The following PDE4DIP variants were observed in gnomAD, a reference collection of about 807,000 sequenced individuals.
PDE4DIP encodes the protein phosphodiesterase 4D interacting protein.
Under a neutral mutation model 221.4 loss-of-function variants are expected in PDE4DIP, and 59 were observed. The ratio of observed to expected loss-of-function variants is 0.27; its 90% CI spans 0.22 to 0.33. PDE4DIP has a LOEUF of 0.33. Among genes scored for constraint, PDE4DIP ranks in the 10% least tolerant of loss-of-function variants. PDE4DIP has a pLI of 1.00. For missense variants in PDE4DIP, 1,036 were observed against 2,154.2 expected (o/e 0.48, Z 10.28); for synonymous variants, 404 against 815.9 (o/e 0.50, Z 8.60).
At chr1:148,938,026 C>G (rs1220783151) in intron 5 of PDE4DIP, 162 bp downstream of exon 8, 3 of 509,040 alleles carry the variant, frequency 5.9e-6, no homozygotes, top group African/African-American at 5.8e-5. Flanking sequence ...TTCTGTGAGT[C>G]AAGAGTCCAG....
Position 148,998,063 on chromosome 1 carries a change from T to G in PDE4DIP, c.2905-80T>G, listed in dbSNP as rs1620507. 3 of 819,628 alleles carry G rather than the reference T, an allele frequency of 3.7e-6. No homozygotes were observed. Among genetic ancestry groups the G allele is most frequent in the Non-Finnish European group, 5.9e-6 (3 of 507,122 alleles). 50.8% of individuals were successfully genotyped at this position (819,628 alleles called of 1,614,324 possible). A position where few individuals can be genotyped will look rare whatever the true frequency, so the allele number is the denominator to read the frequency against. ...TTTTTTGTTTGTTTTTGTTCTCATT[T>G]AAAACTGCCTTTGCAATCTCATGTT... On this transcript the variant is annotated intron_variant, in intron 22 of 43. Coordinates refer to ENST00000369354, the Ensembl canonical transcript of PDE4DIP.
chr1:148,899,124 G>A (rs60538791), intron 1 of PDE4DIP, among the ~76,000 whole-genome samples: 1 of 121,320 alleles, frequency 8.2e-6, no homozygotes, highest in Non-Finnish European at 1.6e-5. Flanking sequence ...GAGCCAATGC[G>A]CCTGGTGGGA....
intron 1 of PDE4DIP, among the ~76,000 whole-genome samples, chr1:148,855,596 AG>A (rs1680815134): frequency 7.9e-6 from 1 of 126,546 alleles, no homozygotes; most frequent in South Asian, 2.8e-4. Flanking sequence ...GTCAGCATGC[AG>A]AAGGAGGCTC....
chr1:149,022,185 T>C (rs2073203703), intron 37 of PDE4DIP, among the ~76,000 whole-genome samples: 2 of 141,932 alleles, frequency 1.4e-5, no homozygotes, highest in Non-Finnish European at 3.0e-5. Flanking sequence ...ACTACAGTAG[T>C]GTAAGTGTGA....
chr1:148,885,070 G>A (rs61231866), upstream of PDE4DIP, among the ~76,000 whole-genome samples: 14 of 145,868 alleles, frequency 9.6e-5, no homozygotes, highest in African/African-American at 2.3e-4. Flanking sequence ...ATCAGGCACC[G>A]TTCTGGGCAC....
chr1:148,978,077 C>A lies in PDE4DIP; in HGVS notation c.2436+24C>A, dbSNP rs782314238. ...AGGTCTTTCAAAACTTTTTAAAGAC[C>A]ACTGGAAATGTTCACAGCTCAGAAT... On this transcript the variant is annotated intron_variant, in intron 18 of 43. Coordinates refer to ENST00000369354, the Ensembl canonical transcript of PDE4DIP. 10 of 1,598,974 alleles carry A rather than the reference C, an allele frequency of 6.3e-6. No individual in the cohort carries two copies. The South Asian group carries it at 1.1e-4, about 18-fold the overall frequency.
intron 20 of PDE4DIP, among the ~76,000 whole-genome samples, chr1:148,980,130 C>A (rs2060841712): frequency 6.6e-6 from 1 of 152,356 alleles, no homozygotes; most frequent in South Asian, 2.1e-4. Context: ...CAATGCCTTG[C>A]ATGTAGTAAG....
chr1:148,985,344 TG>T (rs797023667), intron 21 of PDE4DIP: 1 of 151,990 alleles, frequency 6.6e-6, no homozygotes, highest in Admixed American at 6.5e-5. Context: ...TCAGTTATAA[TG>T]TTTTTTATAT....
At chr1:148,929,553 C>T (rs1483561126) in intron 2 of PDE4DIP, 2 of 366,324 alleles carry the variant, frequency 5.5e-6, no homozygotes, top group South Asian at 2.9e-5. Context: ...TGAATGTTTC[C>T]ACTTTTAGTA....
Position 149,009,996 on chromosome 1 carries a change from G to A in PDE4DIP, c.4927+205G>A, listed in dbSNP as rs587732349. On this transcript the variant is annotated intron_variant, in intron 30 of 43. Transcript: ENST00000369354. The stretch of plus-strand genomic sequence containing the variant: ...CTGTCACCGTGGCCTCCATGGGCAC[G>A]TACAAGCTGTTGGGCACAAAGTGAG... 1.1e-4 allele frequency among the ~76,000 whole-genome samples: 17 copies of A among 152,330 alleles called. No homozygotes were observed. The East Asian group carries it at 2.3e-3, about 21-fold the overall frequency.
At chr1:148,931,697 C>A (rs1196927505) in intron 2 of PDE4DIP, 103 bp from the exon 6 acceptor site, 1 of 976,120 alleles carries the variant, frequency 1.0e-6, no homozygotes, top group Non-Finnish European at 1.6e-6. Flanking sequence ...CCAGTTCAGT[C>A]ACTGCAGAAA....
rs373577574 is a variant in PDE4DIP at position 148,961,962 on chromosome 1, A to G, written c.888+6A>G. ...TGAAAAGCAGGGAACGTGAGGTAAC[A>G]TATTTACCAATCAAGGACCTGTGTG... is the stretch of plus-strand genomic sequence containing the variant. On this transcript the variant is annotated splice_donor_region_variant and intron_variant, in intron 7 of 43. Transcript: ENST00000369354. The G allele has an allele frequency of 3.9e-5, 38 of 985,534 alleles. No homozygotes were observed. Among genetic ancestry groups the G allele is most frequent in the African/African-American group, 1.1e-4 (7 of 62,450 alleles). The allele number at this position is 985,534 out of a possible 1,614,324, so 61.0% of individuals were successfully genotyped here. A position where few individuals can be genotyped will look rare whatever the true frequency, so the allele number is the denominator to read the frequency against.
chr1:148,969,090 G>A (rs1257051557), intron 14 of PDE4DIP, 60 bp downstream of exon 17: 10 of 1,244,546 alleles, frequency 8.0e-6, no homozygotes, highest in Non-Finnish European at 1.1e-5. Context: ...TCTGCAAATA[G>A]GAAGCATTTG....
chr1:148,981,278 G>A, exon 21 of PDE4DIP: 1 of 1,613,354 alleles, frequency 6.2e-7, no homozygotes, highest in Non-Finnish European at 8.5e-7. Flanking sequence ...AGCTCTGAGA[G>A]AGACCGAACT....
rs2067254885 is a variant in PDE4DIP, at chr1:149,007,070, T to C, written c.4416-131T>C. On this transcript the variant is annotated intron_variant, in intron 27 of 43. Coordinates refer to ENST00000369354, the Ensembl canonical transcript of PDE4DIP. ...ACTCTTAAATACCTCCTATGGCTTA[T>C]GTGCCAGAATTCAGCTTGGGGGAGT... The C allele has an allele frequency of 9.6e-6, 6 of 627,440 alleles. No individual in the cohort carries two copies. In the South Asian group the frequency reaches 1.2e-4, roughly 12 times the overall value. 38.9% of individuals were successfully genotyped at this position (627,440 alleles called of 1,614,324 possible). A position where few individuals can be genotyped will look rare whatever the true frequency, so the allele number is the denominator to read the frequency against.
At chr1:148,978,705 C>T (rs1220620043) in intron 19 of PDE4DIP, among the ~76,000 whole-genome samples, 7 of 152,032 alleles carry the variant, frequency 4.6e-5, no homozygotes, top group Non-Finnish European at 1.0e-4. Context: ...GCCTCAGCCT[C>T]CTGAGTAGCT....
chr1:148,963,784 C>T (rs1172834395), intron 9 of PDE4DIP, among the ~76,000 whole-genome samples: 8 of 92,120 alleles, frequency 8.7e-5, no homozygotes, highest in Non-Finnish European at 5.6e-5. Flanking sequence ...GACAGAGTCT[C>T]GCTCTGTCGC....
rs868917907 is a variant in PDE4DIP at position 148,898,934 on chromosome 1, C to T, written c.141+9040C>T. On this transcript the variant is annotated intron_variant, in intron 1 of 43. Transcript: ENST00000369354. ...GCAACCTCCGTCTCCTGGGCTCAAG[C>T]GATTCTCCTGCCTTAGCCTCCCAAG... Among the ~76,000 whole-genome samples, 5 of 110,274 alleles carry T rather than the reference C, an allele frequency of 4.5e-5. 2 individuals are homozygous for T. Among genetic ancestry groups the T allele is most frequent in the Admixed American group, 1.9e-4 (2 of 10,442 alleles). 72.3% of individuals were successfully genotyped at this position (110,274 alleles called of 152,430 possible).
At position 149,030,400 on chromosome 1, in the gene PDE4DIP, C is replaced by T. The variant is rs1368555415; in HGVS notation, c.6999+122C>T. The T allele has an allele frequency of 2.2e-5, 33 of 1,517,428 alleles. No individual in the cohort carries two copies. In the East Asian group the frequency reaches 7.9e-4, roughly 36 times the overall value. 94.0% of individuals were successfully genotyped at this position (1,517,428 alleles called of 1,614,324 possible). ...GCCTTCCAGGAGAAGACTTGGGGTC[C>T]ACTTGCAAGATCACAGGTCCTCAGT... is the stretch of plus-strand genomic sequence containing the variant. On this transcript the variant is annotated intron_variant, in intron 43 of 43. Transcript: ENST00000369354.
Sources: gnomAD v4.1 joint callset for allele counts (sites outside exome capture counted in the v4.1 genomes callset) on GRCh38, gnomAD v4.1.1 for gene constraint, MANE v1.5 for transcripts, NCBI Gene and HGNC (gene_info 2026-07-23, HGNC 2026-07-21) for gene names.